Variants in TBCK observed in about 807,000 individuals in gnomAD.
The protein encoded by TBCK is TBC domain-containing protein kinase-like protein.
Under a neutral mutation model 113.4 loss-of-function variants are expected in TBCK, and 99 were observed. The observed-to-expected ratio is 0.87, with a 90% CI of 0.74 to 1.03. The LOEUF is 1.03. TBCK is among the 50% of genes least tolerant of loss of function. The pLI, the probability that TBCK is intolerant of heterozygous loss-of-function variation, is 0.00. For missense variants in TBCK, 1,045 were observed against 1,061.3 expected, an observed-to-expected ratio of 0.98 and a Z score of 0.21; for synonymous variants, 369 against 370.8, an observed-to-expected ratio of 1.00 and a Z score of 0.05.
intron 2 of TBCK, among the ~76,000 whole-genome samples, chr4:106,296,675 T>C (rs1203374699): frequency 6.6e-6 from 1 of 151,892 alleles, no homozygotes; most frequent in Non-Finnish European, 1.5e-5. Flanking sequence ...AACACAAAAA[T>C]TAAAAATGCT....
intron 19 of TBCK, among the ~76,000 whole-genome samples, chr4:106,219,100 C>G (rs1328234615): frequency 1.3e-5 from 2 of 150,216 alleles, no homozygotes; most frequent in Admixed American, 1.3e-4. Flanking sequence ...AATCATCATT[C>G]TCAGTAAACT....
chr4:106,216,974 T>A (rs961441336), intron 19 of TBCK, among the ~76,000 whole-genome samples: 11 of 152,178 alleles, frequency 7.2e-5, no homozygotes, highest in African/African-American at 2.7e-4. Flanking sequence ...CTCAATAAAA[T>A]ACTGCCAAAC....
intron 23 of TBCK, among the ~76,000 whole-genome samples, chr4:106,137,801 G>C (rs1579018583): frequency 7.2e-6 from 1 of 139,460 alleles, no homozygotes; most frequent in African/African-American, 2.5e-5. Flanking sequence ...TTTTTTCAGT[G>C]ATTAGAGACT....
chr4:106,316,615 T>A (rs898573683), upstream of TBCK: 3 of 1,549,512 alleles, frequency 1.9e-6, no homozygotes, highest in Non-Finnish European at 2.6e-6. Flanking sequence ...TCGTGGCGGG[T>A]CACTCACTCG....
At chr4:106,095,405 A>C in intron 25 of TBCK, 77 bp downstream of exon 25, 5 of 1,338,292 alleles carry the variant, frequency 3.7e-6, no homozygotes, top group Non-Finnish European at 5.1e-6. Context: ...GAAGAAATAT[A>C]CTTTTAGATA....
intron 25 of TBCK, among the ~76,000 whole-genome samples, chr4:106,049,030 C>T (rs561111523): frequency 6.6e-6 from 1 of 152,256 alleles, no homozygotes; most frequent in African/African-American, 2.4e-5. Context: ...TGAGTTTTCA[C>T]ATAAGATTAT....
chr4:106,192,580 G>C (rs1325264536), intron 22 of TBCK, among the ~76,000 whole-genome samples: 1 of 152,014 alleles, frequency 6.6e-6, no homozygotes, highest in Non-Finnish European at 1.5e-5. Context: ...TTTCAATTTT[G>C]AGGGAAGGGG....
At chr4:106,163,498 C>T (rs929106734) in intron 23 of TBCK, 3 of 152,088 alleles carry the variant, frequency 2.0e-5, no homozygotes, top group Non-Finnish European at 4.4e-5. Flanking sequence ...TGTTCTCATA[C>T]TGCTCATAAA....
chr4:106,213,154 G>T (rs919012595), intron 19 of TBCK, among the ~76,000 whole-genome samples: 5 of 152,102 alleles, frequency 3.3e-5, no homozygotes, highest in African/African-American at 1.2e-4. Context: ...AATCTGCTTT[G>T]TATTTCTTGA....
chr4:106,281,162 T>C (rs1443643536), intron 3 of TBCK, among the ~76,000 whole-genome samples: 1 of 152,138 alleles, frequency 6.6e-6, no homozygotes, highest in Non-Finnish European at 1.5e-5. Flanking sequence ...TATTTTATTT[T>C]ATTTGTAGCT....
chr4:106,143,038 T>C (rs185628033), intron 23 of TBCK, among the ~76,000 whole-genome samples: 1 of 152,338 alleles, frequency 6.6e-6, no homozygotes, highest in East Asian at 1.9e-4. Flanking sequence ...ATATCCTATA[T>C]CATGACAATG....
intron 23 of TBCK, among the ~76,000 whole-genome samples, chr4:106,149,854 CA>C (rs1188403840): frequency 2.6e-5 from 4 of 152,148 alleles, no homozygotes; most frequent in Non-Finnish European, 5.9e-5. Flanking sequence ...TGATGAGAAG[CA>C]AAACAAACTC....
chr4:106,108,566 C>T lies in TBCK; in HGVS notation c.2411+7637G>A, dbSNP rs539407418. 3.3e-5 allele frequency among the ~76,000 whole-genome samples: 5 copies of T among 152,264 alleles called. No individual in the cohort carries two copies. In the South Asian group the frequency reaches 6.2e-4, roughly 19 times the overall value. On this transcript the variant is annotated intron_variant, in intron 24 of 25. Transcript: ENST00000394708. ...TTTGATAAAATTCAACATCTGTTCA[C>T]GTTGACAACTCTCAATAAACCAGCT...
At chr4:106,275,622 A>C (rs576106586) in intron 3 of TBCK, among the ~76,000 whole-genome samples, 6 of 152,300 alleles carry the variant, frequency 3.9e-5, no homozygotes, top group Non-Finnish European at 7.4e-5. Flanking sequence ...ACATATTTCT[A>C]TATATTAGCA....
rs1272851249 is a variant in TBCK, at chr4:106,242,566, A to C, written c.1074T>G (p.Phe358Leu). Residue 358 changes from phenylalanine (F) to leucine (L), a missense_variant, in exon 12 of 26, where the codon TTT (phenylalanine) becomes TTG (leucine). Transcript: ENST00000394708. ...CAAAGCTTTCACCATCCTCAAAGAG[A>C]AAACTGAAAAGAAATTTTTAAAAAT... is the stretch of plus-strand genomic sequence containing the variant. ...SKPPICTLPN[F>L]LFEDGESFGQ... 8.2e-6 allele frequency: 13 copies of C among 1,591,720 alleles called. No homozygotes were observed. The East Asian group carries it at 2.9e-4, about 36-fold the overall frequency.
intron 23 of TBCK, among the ~76,000 whole-genome samples, chr4:106,166,528 G>A (rs1193582794): frequency 6.6e-6 from 1 of 151,694 alleles, no homozygotes; most frequent in Non-Finnish European, 1.5e-5. Context: ...AGGGTATATT[G>A]TATGATGCTG....
intron 1 of TBCK, chr4:106,315,513 C>G (rs1214392486): frequency 1.3e-5 from 2 of 152,244 alleles, no homozygotes; most frequent in African/African-American, 4.8e-5. Flanking sequence ...CAGCCACTGA[C>G]AATCCTCAAG....
intron 25 of TBCK, among the ~76,000 whole-genome samples, chr4:106,056,393 CCA>C (rs2149452640): frequency 6.6e-6 from 1 of 151,022 alleles, no homozygotes; most frequent in Admixed American, 6.6e-5. Flanking sequence ...GTGTGAGCCA[CCA>C]CACCCAGCCA....
chr4:106,233,948 C>T (rs984392729), intron 15 of TBCK, among the ~76,000 whole-genome samples: 1 of 152,014 alleles, frequency 6.6e-6, no homozygotes, highest in South Asian at 2.1e-4. Flanking sequence ...GTTTGGCCAA[C>T]CTCCCAGACC....
Sources: allele counts gnomAD v4.1 joint callset (sites outside exome capture counted in the v4.1 genomes callset), GRCh38; gene constraint gnomAD v4.1.1; transcripts MANE v1.5; gene names NCBI Gene and HGNC (gene_info 2026-07-23, HGNC 2026-07-21).